RBFOX1: variants seen among roughly 807,000 people sequenced by gnomAD.
RBFOX1 encodes RNA binding fox-1 homolog 1, also known as RNA binding protein fox-1 homolog 1.
A neutral mutation model predicts 57.7 loss-of-function variants in RBFOX1; 8 were observed. That is an observed-to-expected ratio of 0.14 (90% CI 0.08 to 0.25). The LOEUF (loss-of-function observed/expected upper bound fraction) is 0.25. RBFOX1 is among the 10% of genes least tolerant of loss of function. RBFOX1 has a pLI of 1.00. For synonymous variants in RBFOX1, 326 were observed against 222.4 expected, an observed-to-expected ratio of 1.47 and a Z score of -4.15; for missense variants, 611 against 548.5, an observed-to-expected ratio of 1.11 and a Z score of -1.14.
intron 3 of RBFOX1, among the ~76,000 whole-genome samples, chr16:5,742,656 C>A (rs2052817986): frequency 6.6e-6 from 1 of 152,168 alleles, no homozygotes; most frequent in Non-Finnish European, 1.5e-5. Context: ...CTCAACTAGG[C>A]ATAACAGAGT....
intron 3 of RBFOX1, among the ~76,000 whole-genome samples, chr16:5,784,821 A>G (rs1035373085): frequency 2.0e-5 from 3 of 152,138 alleles, no homozygotes; most frequent in Non-Finnish European, 2.9e-5. Context: ...CATAGACACC[A>G]TCTATGAACC....
intron 3 of RBFOX1, among the ~76,000 whole-genome samples, chr16:5,618,176 C>G (rs1322805439): frequency 2.0e-5 from 3 of 152,202 alleles, no homozygotes; most frequent in Non-Finnish European, 2.9e-5. Context: ...ACTCTGTCGT[C>G]TCTTTCCTTT....
Position 5,839,608 on chromosome 16 carries a change from A to G in RBFOX1, c.319-27695A>G, listed in dbSNP as rs188385730. ...GCAGTAAGTAACTTACTCAAAAAGA[A>G]TACTGGAGTCAGGTGGTTCCGGGAC... On this transcript the variant is annotated intron_variant, in intron 3 of 19. Coordinates refer to the RBFOX1 transcript ENST00000641259. Among the ~76,000 whole-genome samples the G allele has an allele frequency of 4.1e-4, 63 of 152,298 alleles. No individual in the cohort carries two copies. In the East Asian group the frequency reaches 0.01, roughly 24 times the overall value.
intron 3 of RBFOX1, among the ~76,000 whole-genome samples, chr16:6,680,349 G>T (rs1373675599): frequency 7.4e-6 from 1 of 134,550 alleles, no homozygotes; most frequent in Admixed American, 8.7e-5. Flanking sequence ...TGCAAGCTCC[G>T]CCTCCCGGGT....
intron 1 of RBFOX1, chr16:6,059,308 C>G (rs1165126278): frequency 6.6e-6 from 1 of 152,098 alleles, no homozygotes; most frequent in Non-Finnish European, 1.5e-5. Flanking sequence ...ATAAATTAAA[C>G]CTGGAGAACT....
intron 1 of RBFOX1, among the ~76,000 whole-genome samples, chr16:6,080,846 G>A (rs566435493): frequency 1.6e-4 from 24 of 152,118 alleles, no homozygotes; most frequent in Admixed American, 9.2e-4. Context: ...ATGTGTGTAC[G>A]TGAAAAAGCT....
chr16:6,660,950 T>G lies in RBFOX1; in HGVS notation c.-16+6300T>G, dbSNP rs142675051. 2.3e-4 allele frequency among the ~76,000 whole-genome samples: 35 copies of G among 151,972 alleles called. No individual in the cohort carries two copies. The East Asian group carries it at 3.7e-3, about 16-fold the overall frequency. On this transcript the variant is annotated intron_variant, in intron 3 of 15. Transcript: ENST00000550418. Reference sequence around the variant, plus strand: ...CTTGGTGTAGGTCAGGAAATACAAATGCACCTGCCTGCCAAGTCCAGGTAG... The same window carrying G: ...CTTGGTGTAGGTCAGGAAATACAAAGGCACCTGCCTGCCAAGTCCAGGTAG...
intron 3 of RBFOX1, among the ~76,000 whole-genome samples, chr16:6,996,581 C>T (rs974247873): frequency 2.0e-5 from 3 of 152,134 alleles, no homozygotes; most frequent in African/African-American, 7.2e-5. Context: ...TTTACTAGCC[C>T]AACGACTTTA....
In RBFOX1 at chr16:5,438,306, C is replaced by G. The variant is rs549027250; in HGVS notation, c.220-28910C>G. ...TGGGTGTGTCTAGGCAGTCAAGTCA[C>G]AGGTAGGAAAGAGGGAGGATCTATG... On this transcript the variant is annotated intron_variant, in intron 1 of 2. Transcript: ENST00000585867. Among the ~76,000 whole-genome samples the G allele has an allele frequency of 9.7e-4, 147 of 152,280 alleles. 1 individual carries two copies. Among genetic ancestry groups the G allele is most frequent in the African/African-American group, 3.4e-3 (142 of 41,552 alleles).
chr16:5,974,835 C>G (rs375738530), intron 4 of RBFOX1, among the ~76,000 whole-genome samples: 1 of 151,900 alleles, frequency 6.6e-6, no homozygotes, highest in Non-Finnish European at 1.5e-5. Context: ...ATGGAGAAAC[C>G]CTGTCTCTAT....
intron 2 of RBFOX1, among the ~76,000 whole-genome samples, chr16:5,469,271 C>G (rs947053748): frequency 1.3e-5 from 2 of 152,072 alleles, no homozygotes; most frequent in African/African-American, 4.8e-5. Context: ...GTGCTCATTC[C>G]CCAGCACACC....
In RBFOX1 at chr16:6,843,071, A is replaced by G. The variant is rs531537480; in HGVS notation, c.-16+188421A>G. 7.9e-5 allele frequency among the ~76,000 whole-genome samples: 12 copies of G among 152,196 alleles called. No homozygotes were observed. In the South Asian group the frequency reaches 2.5e-3, roughly 32 times the overall value. The stretch of plus-strand genomic sequence containing the variant: ...CACGTGTTCTTTATCCTTGATGGGC[A>G]TTTGGGTTGGTTCCAAGATTTACTA... On this transcript the variant is annotated intron_variant, in intron 3 of 15. Coordinates refer to ENST00000550418, the MANE Select transcript of RBFOX1 (RefSeq NM_018723.4).
chr16:7,130,894 G>A (rs1359513125), intron 4 of RBFOX1, among the ~76,000 whole-genome samples: 1 of 152,162 alleles, frequency 6.6e-6, no homozygotes, highest in African/African-American at 2.4e-5. Flanking sequence ...TGAGGCGACA[G>A]TGACACAGCA....
At chr16:7,134,957 T>C (rs1035288266) in intron 4 of RBFOX1, among the ~76,000 whole-genome samples, 2 of 151,884 alleles carry the variant, frequency 1.3e-5, no homozygotes, top group Admixed American at 1.3e-4. Flanking sequence ...ATTAGCCGCG[T>C]TCCAAGAGAG....
chr16:6,127,427 T>TA (rs2096597934), intron 1 of RBFOX1, among the ~76,000 whole-genome samples: 2 of 152,190 alleles, frequency 1.3e-5, no homozygotes, highest in Non-Finnish European at 2.9e-5. Context: ...TTGAGCATTA[T>TA]ATGCCAAGCC....
At chr16:6,819,423 A>G (rs1050209016) in intron 3 of RBFOX1, among the ~76,000 whole-genome samples, 3 of 152,204 alleles carry the variant, frequency 2.0e-5, no homozygotes, top group South Asian at 2.1e-4. Context: ...TTCAGAAACC[A>G]AAAGGTAGGC....
chr16:6,230,434 G>T (rs779368546), intron 1 of RBFOX1, among the ~76,000 whole-genome samples: 44 of 152,106 alleles, frequency 2.9e-4, no homozygotes, highest in Non-Finnish European at 5.3e-4. Flanking sequence ...GGAGTGCTCA[G>T]AATGGAAGGT....
At chr16:6,334,245 C>T (rs927252303) in intron 2 of RBFOX1, among the ~76,000 whole-genome samples, 4 of 152,062 alleles carry the variant, frequency 2.6e-5, no homozygotes, top group Admixed American at 6.5e-5. Flanking sequence ...TGGTGGCTCA[C>T]GCCTGTAATC....
chr16:7,237,906 A>G (rs2093852671), intron 4 of RBFOX1, among the ~76,000 whole-genome samples: 1 of 152,234 alleles, frequency 6.6e-6, no homozygotes, highest in African/African-American at 2.4e-5. Context: ...CAGGAGGCTG[A>G]AGCATGAGAA....
Sources: allele counts gnomAD v4.1 joint callset (sites outside exome capture counted in the v4.1 genomes callset), GRCh38; gene constraint gnomAD v4.1.1; transcripts MANE v1.5; gene names NCBI Gene and HGNC (gene_info 2026-07-23, HGNC 2026-07-21).